Variants in ERC2 observed in about 807,000 individuals in gnomAD.
ERC2 encodes the protein ELKS/RAB6-interacting/CAST family member 2.
ERC2 carries 42 observed loss-of-function variants against 114.8 expected under a neutral mutation model. The ratio of observed to expected loss-of-function variants is 0.37; its 90% CI spans 0.29 to 0.47. ERC2 has a LOEUF of 0.47. Among genes scored for constraint, ERC2 ranks in the 20% least tolerant of loss-of-function variants. ERC2 has a pLI of 0.99. For missense variants in ERC2, 939 were observed against 1,150.7 expected (o/e 0.82, Z 2.66); for synonymous variants, 454 against 425.5 (o/e 1.07, Z -0.82).
intron 3 of ERC2, among the ~76,000 whole-genome samples, chr3:56,265,628 TGCATA>T (rs1209791527): frequency 6.6e-6 from 1 of 152,160 alleles, no homozygotes; most frequent in African/African-American, 2.4e-5. Flanking sequence ...AAAAAGCTTC[TGCATA>T]GCAAAGGAAA....
In ERC2 at chr3:56,273,957, T is replaced by G. The variant is rs543123080; in HGVS notation, c.1074+22062A>C. 3.0e-4 allele frequency among the ~76,000 whole-genome samples: 45 copies of G among 152,338 alleles called. No homozygotes were observed. In the South Asian group the frequency reaches 5.4e-3, roughly 18 times the overall value. On this transcript the variant is annotated intron_variant, in intron 3 of 17. Transcript: ENST00000288221. ...TTCTGTACACTGACTCTAAATGACA[T>G]CTCTTCATGTTTGTAGCATCACAAC...
intron 13 of ERC2, among the ~76,000 whole-genome samples, chr3:55,949,108 A>G (rs146959833): frequency 0.013 from 1,926 of 152,066 alleles, 47 homozygotes; most frequent in African/African-American, 0.044. Context: ...AGTGGTTCAC[A>G]CCTGTAATCC....
chr3:55,941,688 A>T (rs959675591), intron 13 of ERC2, among the ~76,000 whole-genome samples: 1 of 152,230 alleles, frequency 6.6e-6, no homozygotes, highest in African/African-American at 2.4e-5. Flanking sequence ...TTTCTAAAAT[A>T]TCCACACTTG....
chr3:56,409,368 G>C (rs2060852210), intron 2 of ERC2, among the ~76,000 whole-genome samples: 1 of 152,090 alleles, frequency 6.6e-6, no homozygotes, highest in Non-Finnish European at 1.5e-5. Context: ...TAGCGTTCCT[G>C]TATTAGACTA....
intron 6 of ERC2, among the ~76,000 whole-genome samples, chr3:56,092,776 T>C (rs1383234414): frequency 6.6e-6 from 1 of 152,178 alleles, no homozygotes; most frequent in Non-Finnish European, 1.5e-5. Context: ...TCAAAACATT[T>C]GCTATTACGG....
intron 3 of ERC2, among the ~76,000 whole-genome samples, chr3:56,186,300 A>G (rs765243947): frequency 6.6e-6 from 1 of 152,108 alleles, no homozygotes; most frequent in Non-Finnish European, 1.5e-5. Flanking sequence ...TGGCTGCAAT[A>G]GAAAACTAAT....
At chr3:55,745,597 A>G (rs1189964165) in intron 14 of ERC2, among the ~76,000 whole-genome samples, 1 of 152,178 alleles carries the variant, frequency 6.6e-6, no homozygotes, top group East Asian at 1.9e-4. Context: ...AATTCTGCCA[A>G]GGTAGCTTTC....
intron 12 of ERC2, among the ~76,000 whole-genome samples, chr3:55,975,158 G>A (rs1345104554): frequency 6.6e-6 from 1 of 151,736 alleles, no homozygotes; most frequent in Non-Finnish European, 1.5e-5. Flanking sequence ...AAATGGGACT[G>A]AGTAATAGCA....
chr3:56,157,176 T>C (rs1185923329), intron 4 of ERC2, among the ~76,000 whole-genome samples: 2 of 152,196 alleles, frequency 1.3e-5, no homozygotes, highest in African/African-American at 4.8e-5. Flanking sequence ...GGCCACATAT[T>C]GGGACCTTGC....
chr3:55,963,006 G>C (rs2068496712), intron 12 of ERC2, among the ~76,000 whole-genome samples: 1 of 152,218 alleles, frequency 6.6e-6, no homozygotes, highest in African/African-American at 2.4e-5. Context: ...TTGACTATTA[G>C]AGAACTAGAT....
intron 6 of ERC2, among the ~76,000 whole-genome samples, chr3:56,139,237 C>T (rs73078488): frequency 0.013 from 1,939 of 152,280 alleles, 14 homozygotes; most frequent in Middle Eastern, 0.017. Flanking sequence ...TCTAATTATA[C>T]AGTCTTTATT....
intron 7 of ERC2, among the ~76,000 whole-genome samples, chr3:56,049,831 TG>T (rs761647407): frequency 2.6e-3 from 285 of 110,294 alleles, no homozygotes; most frequent in Non-Finnish European, 4.1e-3. Context: ...TGTGTGTGTG[TG>T]TGTGTGTGTG....
chr3:56,057,066 A>G (rs2076050683), intron 7 of ERC2, among the ~76,000 whole-genome samples: 1 of 152,148 alleles, frequency 6.6e-6, no homozygotes, highest in African/African-American at 2.4e-5. Context: ...CATTTCCCCA[A>G]TAAGATCCTT....
chr3:55,835,451 C>T (rs1305306888), intron 14 of ERC2, among the ~76,000 whole-genome samples: 1 of 152,152 alleles, frequency 6.6e-6, no homozygotes, highest in African/African-American at 2.4e-5. Context: ...GTTCAATATA[C>T]TCAAATCAAT....
At chr3:55,955,611 T>C (rs1230550257) in intron 12 of ERC2, among the ~76,000 whole-genome samples, 4 of 152,246 alleles carry the variant, frequency 2.6e-5, no homozygotes, top group Non-Finnish European at 2.9e-5. Flanking sequence ...ATTATATGAA[T>C]ACACTATAAT....
At position 55,800,206 on chromosome 3, in the gene ERC2, T is replaced by G. The variant is rs191256985; in HGVS notation, c.2565-65288A>C. On this transcript the variant is annotated intron_variant, in intron 14 of 17. Coordinates refer to ENST00000288221, the MANE Select transcript of ERC2 (RefSeq NM_015576.3). ...CCCAGGCTGGAGTGCAATGGCGTGATGTCGGCTCACTGCAACCTCCGCCTC... is the reference window on the plus strand; with the variant it reads ...CCCAGGCTGGAGTGCAATGGCGTGAGGTCGGCTCACTGCAACCTCCGCCTC... 5.0e-3 allele frequency among the ~76,000 whole-genome samples: 758 copies of G among 152,268 alleles called. 6 individuals are homozygous for G. Among genetic ancestry groups the G allele is most frequent in the African/African-American group, 0.017 (713 of 41,548 alleles).
intron 17 of ERC2, among the ~76,000 whole-genome samples, chr3:55,536,812 C>T (rs1357518887): frequency 6.6e-6 from 1 of 152,186 alleles, no homozygotes; most frequent in African/African-American, 2.4e-5. Flanking sequence ...TGCTGATGGC[C>T]TCCCAGCCCC....
intron 2 of ERC2, among the ~76,000 whole-genome samples, chr3:56,319,007 G>A (rs532002194): frequency 4.0e-5 from 6 of 150,696 alleles, no homozygotes; most frequent in Non-Finnish European, 5.9e-5. Flanking sequence ...GTAAGGATAC[G>A]GAGAAATTGG....
intron 17 of ERC2, among the ~76,000 whole-genome samples, chr3:55,675,466 G>T (rs1172911116): frequency 6.6e-6 from 1 of 152,194 alleles, no homozygotes; most frequent in Non-Finnish European, 1.5e-5. Flanking sequence ...ATAGCAGAAA[G>T]GAATCTAGCC....
Sources: allele counts gnomAD v4.1 joint callset (sites outside exome capture counted in the v4.1 genomes callset), GRCh38; gene constraint gnomAD v4.1.1; transcripts MANE v1.5; gene names NCBI Gene and HGNC (gene_info 2026-07-23, HGNC 2026-07-21).